Variants in FRMD4A observed in about 807,000 individuals in gnomAD.
The protein encoded by FRMD4A is FERM domain containing 4A.
FRMD4A carries 29 observed loss-of-function variants against 129.1 expected under a neutral mutation model. The observed-to-expected ratio is 0.22, with a 90% CI of 0.17 to 0.31. FRMD4A has a LOEUF of 0.31. FRMD4A is among the 10% of genes least tolerant of loss of function. The probability of loss-of-function intolerance (pLI) is 1.00; values close to 1 mark genes in which losing one functional copy is unlikely to be tolerated. For missense variants in FRMD4A, 1,272 were observed against 1,375.8 expected, an observed-to-expected ratio of 0.92 and a Z score of 1.19; for synonymous variants, 634 against 571.6, an observed-to-expected ratio of 1.11 and a Z score of -1.56.
chr10:13,990,103 T>G (rs1186526918), intron 2 of FRMD4A, among the ~76,000 whole-genome samples: 18 of 152,180 alleles, frequency 1.2e-4, no homozygotes. Flanking sequence ...GACAAATGAC[T>G]TAATCTCTCT....
intron 2 of FRMD4A, among the ~76,000 whole-genome samples, chr10:14,302,891 A>G (rs1203739386): frequency 6.6e-6 from 1 of 152,206 alleles, no homozygotes; most frequent in Non-Finnish European, 1.5e-5. Flanking sequence ...AGGTCCAGAA[A>G]AGGGGGACTC....
rs573242582 is a variant in FRMD4A, at chr10:14,221,307, T to C, written c.45+108751A>G. Reference sequence around the variant, plus strand: ...AGGTCAGGGATAACTGCTCCATCTGTGGAGGGTAGAGAGGCTTTGGGGAAG... The same window carrying C: ...AGGTCAGGGATAACTGCTCCATCTGCGGAGGGTAGAGAGGCTTTGGGGAAG... On this transcript the variant is annotated intron_variant, in intron 2 of 24. Coordinates refer to ENST00000357447, the MANE Select transcript of FRMD4A (RefSeq NM_018027.5). Among the ~76,000 whole-genome samples the C allele has an allele frequency of 1.4e-4, 22 of 152,182 alleles. No homozygotes were observed. The South Asian group carries it at 4.6e-3, about 32-fold the overall frequency.
intron 2 of FRMD4A, among the ~76,000 whole-genome samples, chr10:14,088,243 C>A (rs1460231527): frequency 1.3e-5 from 2 of 151,848 alleles, no homozygotes; most frequent in Non-Finnish European, 2.9e-5. Context: ...TTCCAGGGAT[C>A]TGAGACCAGC....
intron 6 of FRMD4A, among the ~76,000 whole-genome samples, chr10:13,781,993 C>T (rs1220154226): frequency 6.6e-6 from 1 of 152,116 alleles, no homozygotes; most frequent in Non-Finnish European, 1.5e-5. Context: ...GTGTATGCTG[C>T]TCGAGTGAAG....
At chr10:13,965,298 C>T (rs929154162) in intron 2 of FRMD4A, among the ~76,000 whole-genome samples, 3 of 152,060 alleles carry the variant, frequency 2.0e-5, no homozygotes, top group Non-Finnish European at 2.9e-5. Context: ...CATCTTATGG[C>T]ACCAGGCTGT....
chr10:13,933,287 A>AG (rs1462319916), intron 2 of FRMD4A, among the ~76,000 whole-genome samples: 1 of 126,420 alleles, frequency 7.9e-6, no homozygotes, highest in Non-Finnish European at 1.9e-5. Context: ...TGACTTTGTA[A>AG]CTTACTTCAT....
intron 2 of FRMD4A, among the ~76,000 whole-genome samples, chr10:13,893,998 C>A (rs781751941): frequency 6.6e-6 from 1 of 152,164 alleles, no homozygotes; most frequent in South Asian, 2.1e-4. Flanking sequence ...GCTCCCTCCT[C>A]CTCCCCAAAG....
chr10:14,320,433 ATT>A (rs908761543), intron 2 of FRMD4A, among the ~76,000 whole-genome samples: 5 of 151,714 alleles, frequency 3.3e-5, no homozygotes, highest in African/African-American at 9.7e-5. Context: ...TTTCCTGATG[ATT>A]TTGTTCCCTC....
Position 14,128,089 on chromosome 10 carries a change from TTTCTTTCTTTC to T in FRMD4A, c.45+201958_45+201968del, listed in dbSNP as rs762668952. Among the ~76,000 whole-genome samples the T allele has an allele frequency of 9.2e-3, 1,070 of 115,998 alleles. 20 individuals are homozygous for T. The highest frequency in any genetic ancestry group is 0.013 in the Admixed American group (139 of 10,508). 76.1% of individuals were successfully genotyped at this position (115,998 alleles called of 152,430 possible). The stretch of plus-strand genomic sequence containing the variant: ...CTTTCTTTCTTTCTTTCTTTCTTTC[TTTCTTTCTTTC>T]TTTCTTTTCTTTTCTTTTCTTGAGA... On this transcript the variant is annotated intron_variant, in intron 2 of 24. Transcript: ENST00000357447.
At chr10:13,764,455 G>C (rs893630001) in intron 6 of FRMD4A, among the ~76,000 whole-genome samples, 1 of 151,984 alleles carries the variant, frequency 6.6e-6, no homozygotes, top group Non-Finnish European at 1.5e-5. Context: ...ACAGTGAGCT[G>C]TAATCATGCC....
At chr10:13,649,099 T>C (rs2081338548) in intron 24 of FRMD4A, 1 of 152,222 alleles carries the variant, frequency 6.6e-6, no homozygotes, top group Non-Finnish European at 1.5e-5. Context: ...AAAAATACTC[T>C]TAAATGGGCT....
At chr10:14,262,149 G>A (rs945227727) in intron 2 of FRMD4A, among the ~76,000 whole-genome samples, 8 of 152,110 alleles carry the variant, frequency 5.3e-5, no homozygotes, top group South Asian at 2.1e-4. Context: ...ATCTTCGAGC[G>A]GCAAAACCAC....
intron 2 of FRMD4A, among the ~76,000 whole-genome samples, chr10:14,092,439 GA>G (rs1209079319): frequency 2.0e-5 from 3 of 152,238 alleles, no homozygotes; most frequent in Non-Finnish European, 4.4e-5. Context: ...GCAGGGCTGG[GA>G]ATGGACTCTG....
chr10:14,127,980 T>TTTCTTTCTCTCTCTC (rs1564319427), intron 2 of FRMD4A, among the ~76,000 whole-genome samples: 1 of 19,358 alleles, frequency 5.2e-5, no homozygotes, highest in Non-Finnish European at 1.0e-4. Context: ...CTTTCTTTCC[T>TTTCTTTCTCTCTCTC]TCTCTCTCTC....
Position 14,140,555 on chromosome 10 carries a change from C to G in FRMD4A, c.45+189503G>C, listed in dbSNP as rs114161245. ...GACCTTTCCACTTAACCTCTGAGGCCGGGCATCAGCCCCTTCTCCTTGAAA... is the reference window on the plus strand; with the variant it reads ...GACCTTTCCACTTAACCTCTGAGGCGGGGCATCAGCCCCTTCTCCTTGAAA... On this transcript the variant is annotated intron_variant, in intron 2 of 24. Transcript: ENST00000357447. 2.0e-3 allele frequency among the ~76,000 whole-genome samples: 310 copies of G among 152,262 alleles called. 6 individuals carry two copies. Among genetic ancestry groups the G allele is most frequent in the African/African-American group, 6.9e-3 (288 of 41,556 alleles).
chr10:14,047,625 G>A (rs1485302426), intron 2 of FRMD4A, among the ~76,000 whole-genome samples: 1 of 152,186 alleles, frequency 6.6e-6, no homozygotes, highest in Non-Finnish European at 1.5e-5. Context: ...GAGCCCCATT[G>A]TACTAGTCCT....
At position 13,707,126 on chromosome 10, in the gene FRMD4A, C is replaced by T. The variant is rs1430682263; in HGVS notation, c.760-13G>A. On this transcript the variant is annotated splice_polypyrimidine_tract_variant and intron_variant, in intron 12 of 24. Coordinates refer to ENST00000357447, the MANE Select transcript of FRMD4A (RefSeq NM_018027.5). The stretch of plus-strand genomic sequence containing the variant: ...TCCATTGGAATATCTGGACAGAAAA[C>T]AGTGTAGTTTAAAACTCAGGAGGGG... 6.8e-7 allele frequency: 1 copy of T among 1,476,956 alleles called. No homozygotes were observed. The highest frequency in any genetic ancestry group is 1.7e-5 in the Admixed American group (1 of 59,828). The allele number at this position is 1,476,956 out of a possible 1,614,324, so 91.5% of individuals were successfully genotyped here.
intron 2 of FRMD4A, among the ~76,000 whole-genome samples, chr10:14,229,849 G>C (rs985451727): frequency 6.6e-6 from 1 of 152,158 alleles, no homozygotes; most frequent in African/African-American, 2.4e-5. Flanking sequence ...TTGTAACAAA[G>C]CTGAACACTC....
chr10:14,306,358 A>G (rs1209484400), intron 2 of FRMD4A, among the ~76,000 whole-genome samples: 2 of 152,252 alleles, frequency 1.3e-5, no homozygotes, highest in Non-Finnish European at 2.9e-5. Context: ...CATCTGAACT[A>G]TCATCGTGGG....
Sources: allele counts gnomAD v4.1 joint callset (sites outside exome capture counted in the v4.1 genomes callset), GRCh38; gene constraint gnomAD v4.1.1; transcripts MANE v1.5; gene names NCBI Gene and HGNC (gene_info 2026-07-23, HGNC 2026-07-21).